PARM1: variants seen among roughly 807,000 people sequenced by gnomAD.
The protein encoded by PARM1 is prostate androgen-regulated mucin-like protein 1, also known as WSC4, cell wall integrity and stress response component 4 homolog.
A neutral mutation model predicts 24.6 loss-of-function variants in PARM1; 14 were observed. That is an observed-to-expected ratio of 0.57 (90% CI 0.38 to 0.89). PARM1 has a LOEUF of 0.89. Ranked by LOEUF, PARM1 falls within the 40% of genes least tolerant of loss-of-function variation. The pLI, the probability that PARM1 is intolerant of heterozygous loss-of-function variation, is 0.00. For missense variants in PARM1, 362 were observed against 380.4 expected (o/e 0.95, Z 0.40); for synonymous variants, 179 against 156.6 (o/e 1.14, Z -1.07).
intron 1 of PARM1, among the ~76,000 whole-genome samples, chr4:74,988,384 C>T (rs1374887123): frequency 6.6e-6 from 1 of 152,132 alleles, no homozygotes; most frequent in Non-Finnish European, 1.5e-5. Flanking sequence ...GACACATTTA[C>T]ATAATGGTGG....
intron 3 of PARM1, 127 bp from the exon 4 acceptor site, chr4:75,046,036 G>C: frequency 1.6e-6 from 1 of 641,482 alleles, no homozygotes; most frequent in Admixed American, 2.5e-5. Flanking sequence ...TGCTGTCCTA[G>C]TGAGAGCGTC....
At chr4:75,045,264 C>A (rs545789979) in intron 3 of PARM1, among the ~76,000 whole-genome samples, 1 of 152,210 alleles carries the variant, frequency 6.6e-6, no homozygotes, top group Non-Finnish European at 1.5e-5. Context: ...GAGCAAGGGT[C>A]CTATAATAGG....
chr4:74,990,806 G>A (rs1041565443), intron 1 of PARM1, among the ~76,000 whole-genome samples: 1 of 152,124 alleles, frequency 6.6e-6, no homozygotes, highest in African/African-American at 2.4e-5. Context: ...ATAAATGCCA[G>A]TTGGAGGCCC....
chr4:74,940,681 C>T (rs1033186213), intron 1 of PARM1, among the ~76,000 whole-genome samples: 17 of 152,212 alleles, frequency 1.1e-4, no homozygotes, highest in African/African-American at 3.9e-4. Context: ...GAGATAGATA[C>T]CTCAACTAAC....
At chr4:74,948,405 A>G (rs1578023688) in intron 1 of PARM1, among the ~76,000 whole-genome samples, 2 of 152,336 alleles carry the variant, frequency 1.3e-5, no homozygotes, top group East Asian at 3.9e-4. Context: ...TTTCCTTGAG[A>G]GTTAAGATTT....
chr4:74,980,879 C>T (rs565388842), intron 1 of PARM1, among the ~76,000 whole-genome samples: 24 of 152,274 alleles, frequency 1.6e-4, no homozygotes, highest in African/African-American at 5.8e-4. Context: ...GGAAAAGATT[C>T]CCTATTTAAT....
chr4:75,005,982 A>G (rs1281866390), intron 1 of PARM1, among the ~76,000 whole-genome samples: 1 of 152,166 alleles, frequency 6.6e-6, no homozygotes, highest in Non-Finnish European at 1.5e-5. Context: ...ATCTCTGGCA[A>G]TGTCACTGTG....
intron 1 of PARM1, among the ~76,000 whole-genome samples, chr4:74,972,810 T>C (rs1325939234): frequency 6.6e-6 from 1 of 152,242 alleles, no homozygotes; most frequent in African/African-American, 2.4e-5. Context: ...TGGTGTCATC[T>C]TGCTGATGCC....
At chr4:74,962,549 A>G (rs1721798857) in intron 1 of PARM1, among the ~76,000 whole-genome samples, 1 of 152,236 alleles carries the variant, frequency 6.6e-6, no homozygotes, top group Non-Finnish European at 1.5e-5. Flanking sequence ...CCTATATACT[A>G]TCTACCAGAG....
At chr4:74,981,897 A>G (rs1722264709) in intron 1 of PARM1, among the ~76,000 whole-genome samples, 1 of 151,772 alleles carries the variant, frequency 6.6e-6, no homozygotes, top group African/African-American at 2.4e-5. Flanking sequence ...AAAAAAAAAA[A>G]AGACCTAGAA....
chr4:74,983,233 C>T (rs1202669885), intron 1 of PARM1, among the ~76,000 whole-genome samples: 2 of 152,166 alleles, frequency 1.3e-5, no homozygotes, highest in Non-Finnish European at 2.9e-5. Context: ...TGGCTTTGGT[C>T]ACTGAATATG....
rs1722715822 is a variant in PARM1 at position 75,003,329 on chromosome 4, A to G, written c.44-9096A>G. 1.3e-5 allele frequency among the ~76,000 whole-genome samples: 2 copies of G among 152,234 alleles called. 1 individual carries two copies. The highest frequency in any genetic ancestry group is 4.2e-4 in the South Asian group (2 of 4,818). ...CAGATGTTGCATCTAAGGAAAAAAA[A>G]AAAAAAGAAAAATGGCATATTTTTC... On this transcript the variant is annotated intron_variant, in intron 1 of 3. Transcript: ENST00000307428.
At chr4:75,009,948 C>T (rs1489212473) in intron 1 of PARM1, among the ~76,000 whole-genome samples, 2 of 152,104 alleles carry the variant, frequency 1.3e-5, no homozygotes, top group African/African-American at 4.8e-5. Flanking sequence ...TATGGCATTT[C>T]CTCAAAAAAA....
chr4:75,030,264 G>A (rs1194001442), intron 2 of PARM1, among the ~76,000 whole-genome samples: 1 of 152,170 alleles, frequency 6.6e-6, no homozygotes, highest in African/African-American at 2.4e-5. Flanking sequence ...GGGTCCAAAT[G>A]ATAGTTCAAT....
Position 75,001,108 on chromosome 4 carries a change from G to A in PARM1, c.44-11317G>A, listed in dbSNP as rs72860975. 4.9e-3 allele frequency among the ~76,000 whole-genome samples: 739 copies of A among 152,244 alleles called. 4 individuals are homozygous for A. The highest frequency in any genetic ancestry group is 0.016 in the African/African-American group (683 of 41,538). Reference sequence around the variant, plus strand: ...CATAGGTTTATTGTAAAGATTAGGTGACTTATTACACATAAAATACCCAGA... The same window carrying A: ...CATAGGTTTATTGTAAAGATTAGGTAACTTATTACACATAAAATACCCAGA... On this transcript the variant is annotated intron_variant, in intron 1 of 3. Transcript: ENST00000307428.
intron 1 of PARM1, among the ~76,000 whole-genome samples, chr4:74,935,386 TAA>T (rs1721159457): frequency 6.6e-6 from 1 of 152,192 alleles, no homozygotes; most frequent in Non-Finnish European, 1.5e-5. Context: ...AAAATTGGCA[TAA>T]ATACCTCATG....
At chr4:74,999,880 T>A (rs915274402) in intron 1 of PARM1, among the ~76,000 whole-genome samples, 27 of 152,196 alleles carry the variant, frequency 1.8e-4, no homozygotes, top group African/African-American at 6.5e-4. Flanking sequence ...TCATGACTCA[T>A]TTTGAAAACT....
intron 3 of PARM1, among the ~76,000 whole-genome samples, chr4:75,038,488 T>C (rs1723413832): frequency 6.6e-6 from 1 of 152,124 alleles, no homozygotes; most frequent in African/African-American, 2.4e-5. Context: ...ACCATTTCCA[T>C]TCAGTAGGCG....
At chr4:75,035,706 G>A (rs1723356412) in intron 3 of PARM1, among the ~76,000 whole-genome samples, 1 of 152,150 alleles carries the variant, frequency 6.6e-6, no homozygotes, top group African/African-American at 2.4e-5. Flanking sequence ...AATGTCAAGT[G>A]TGAGAGTGCC....
Sources: allele counts gnomAD v4.1 joint callset (sites outside exome capture counted in the v4.1 genomes callset), GRCh38; gene constraint gnomAD v4.1.1; transcripts MANE v1.5; gene names NCBI Gene and HGNC (gene_info 2026-07-23, HGNC 2026-07-21).